The following WDR93 variants were observed in gnomAD, a reference collection of about 807,000 sequenced individuals.
WDR93 encodes the protein WD repeat domain 93.
Under a neutral mutation model 82.9 loss-of-function variants are expected in WDR93, and 73 were observed. That is an observed-to-expected ratio of 0.88 (90% CI 0.73 to 1.07). WDR93 has a LOEUF of 1.07. Ranked by LOEUF, WDR93 falls within the 50% of genes least tolerant of loss-of-function variation. WDR93 has a pLI of 0.00. For synonymous variants in WDR93, 283 were observed against 300.1 expected, an observed-to-expected ratio of 0.94 and a Z score of 0.59; for missense variants, 738 against 826.0, an observed-to-expected ratio of 0.89 and a Z score of 1.31.
chr15:89,706,286 T>A (rs1167573188), intron 4 of WDR93, among the ~76,000 whole-genome samples: 1 of 151,970 alleles, frequency 6.6e-6, no homozygotes, highest in Admixed American at 6.6e-5. Context: ...ATCAATGAAT[T>A]CCCGAAAGAG....
intron 12 of WDR93, among the ~76,000 whole-genome samples, chr15:89,732,442 C>A (rs1596116853): frequency 6.6e-6 from 1 of 152,172 alleles, no homozygotes; most frequent in Admixed American, 6.5e-5. Context: ...TCCCCACACA[C>A]TGCTAAGATA....
At chr15:89,697,389 G>C (rs948820748) in intron 1 of WDR93, among the ~76,000 whole-genome samples, 2 of 152,062 alleles carry the variant, frequency 1.3e-5, no homozygotes, top group Non-Finnish European at 2.9e-5. Flanking sequence ...GTGATCCATG[G>C]GTTATTAAGA....
At chr15:89,742,493 T>C (rs963734580) in intron 16 of WDR93, among the ~76,000 whole-genome samples, 4 of 152,148 alleles carry the variant, frequency 2.6e-5, no homozygotes, top group African/African-American at 9.7e-5. Flanking sequence ...CTGATTTTTC[T>C]GTAGTGAACA....
intron 4 of WDR93, among the ~76,000 whole-genome samples, chr15:89,711,039 A>G (rs142143517): frequency 2.0e-5 from 3 of 152,350 alleles, no homozygotes; most frequent in East Asian, 3.9e-4. Context: ...GAAGTTTGTA[A>G]TAAAGGAGTC....
intron 16 of WDR93, among the ~76,000 whole-genome samples, chr15:89,739,121 A>T (rs1021597865): frequency 3.3e-5 from 5 of 151,992 alleles, no homozygotes; most frequent in Non-Finnish European, 5.9e-5. Context: ...GCCTCAAAAA[A>T]AAAAAAAAAA....
intron 1 of WDR93, among the ~76,000 whole-genome samples, chr15:89,700,731 A>AT (rs1178584712): frequency 6.6e-6 from 1 of 151,140 alleles, no homozygotes; most frequent in Non-Finnish European, 1.5e-5. Flanking sequence ...TAATTTTTAA[A>AT]TTTTTTGTAT....
At chr15:89,741,178 T>C (rs979627553) in intron 16 of WDR93, among the ~76,000 whole-genome samples, 2 of 152,238 alleles carry the variant, frequency 1.3e-5, no homozygotes, top group African/African-American at 4.8e-5. Context: ...ATTCTTTATT[T>C]GCTATTACAC....
intron 1 of WDR93, among the ~76,000 whole-genome samples, chr15:89,694,369 G>C (rs1279210072): frequency 6.6e-6 from 1 of 151,340 alleles, no homozygotes; most frequent in East Asian, 1.9e-4. Context: ...CGAGTAGCTG[G>C]GACTACAGGT....
chr15:89,690,704 G>T, upstream of WDR93: 2 of 1,141,508 alleles, frequency 1.8e-6, no homozygotes, highest in Non-Finnish European at 2.6e-6. Flanking sequence ...CGGATCCCCA[G>T]GGAACGGTCA....
At chr15:89,732,250 G>A (rs1042272495) in intron 12 of WDR93, among the ~76,000 whole-genome samples, 8 of 152,250 alleles carry the variant, frequency 5.3e-5, no homozygotes, top group African/African-American at 1.7e-4. Flanking sequence ...CACCTTCACT[G>A]GGCAGCCCTC....
At chr15:89,722,738 G>A (rs1439760831) in intron 8 of WDR93, among the ~76,000 whole-genome samples, 2 of 152,150 alleles carry the variant, frequency 1.3e-5, no homozygotes. Flanking sequence ...GAGGAGCAGA[G>A]AGGCTAGCTA....
chr15:89,698,727 G>A (rs1456878373), intron 1 of WDR93, among the ~76,000 whole-genome samples: 1 of 151,674 alleles, frequency 6.6e-6, no homozygotes, highest in African/African-American at 2.4e-5. Flanking sequence ...CTTTACATAT[G>A]TTATTAATCC....
Position 89,722,148 on chromosome 15 carries a change from G to C in WDR93, c.880+9G>C, listed in dbSNP as rs1049427366. 7.7e-6 allele frequency: 12 copies of C among 1,563,742 alleles called. No homozygotes were observed. In the Admixed American group the frequency reaches 1.9e-4, roughly 24 times the overall value. ...ACCTAAGCCTGTTACAGGTAAGTGTGATTCAAATCTCTCTCCTTTTGCCAT... is the reference window on the plus strand; with the variant it reads ...ACCTAAGCCTGTTACAGGTAAGTGTCATTCAAATCTCTCTCCTTTTGCCAT... On this transcript the variant is annotated intron_variant, in intron 8 of 16. Coordinates refer to ENST00000268130, the MANE Select transcript of WDR93 (RefSeq NM_020212.2).
chr15:89,726,961 C>T, intron 8 of WDR93, among the ~76,000 whole-genome samples, 196 bp from the exon 9 acceptor site: 1 of 152,190 alleles, frequency 6.6e-6, no homozygotes, highest in East Asian at 1.9e-4. Flanking sequence ...AGCAGCTGCT[C>T]TCTGCCTGGG....
chr15:89,732,611 T>C (rs1343415657), intron 12 of WDR93, among the ~76,000 whole-genome samples: 1 of 132,192 alleles, frequency 7.6e-6, no homozygotes, highest in African/African-American at 3.5e-5. Context: ...TTCTTGTTGT[T>C]TGGCCACACA....
At chr15:89,704,690 ACTTGAGGCATCTAGGGATAT>A (rs1965648006) in intron 3 of WDR93, 1 of 152,156 alleles carries the variant, frequency 6.6e-6, no homozygotes, top group African/African-American at 2.4e-5. Context: ...ACATGTGCAG[ACTTGAGGCATCTAGGGATAT>A]CTCTGTGGGA....
At chr15:89,722,204 T>G in intron 8 of WDR93, 65 bp downstream of exon 8, 1 of 1,240,850 alleles carries the variant, frequency 8.1e-7, no homozygotes, top group Non-Finnish European at 1.1e-6. Context: ...CCTTTCCCCA[T>G]GTCTTATCTT....
In WDR93 at chr15:89,729,298, A is replaced by T. The variant is rs557912638; in HGVS notation, c.1123+205A>T. On this transcript the variant is annotated intron_variant, in intron 10 of 16. Coordinates refer to ENST00000268130, the MANE Select transcript of WDR93 (RefSeq NM_020212.2). Reference sequence around the variant, plus strand: ...AGGTTCTCTGATCACAAAGGCTGGCACTGCCTTCAGGGAGTGGTTGCCATA... The same window carrying T: ...AGGTTCTCTGATCACAAAGGCTGGCTCTGCCTTCAGGGAGTGGTTGCCATA... 5.3e-5 allele frequency among the ~76,000 whole-genome samples: 8 copies of T among 152,210 alleles called. No homozygotes were observed. In the South Asian group the frequency reaches 1.4e-3, roughly 28 times the overall value.
chr15:89,736,992 C>T lies in WDR93; in HGVS notation c.1609-581C>T, dbSNP rs146742034. Among the ~76,000 whole-genome samples, 1,348 of 152,210 alleles carry T rather than the reference C, an allele frequency of 8.9e-3. 14 individuals are homozygous for T. The highest frequency in any genetic ancestry group is 0.024 in the African/African-American group (1,017 of 41,538). On this transcript the variant is annotated intron_variant, in intron 14 of 16. Coordinates refer to ENST00000268130, the MANE Select transcript of WDR93 (RefSeq NM_020212.2). ...ATTTTTAGTAGAGACGAGGTTTCAC[C>T]GTGTTAGCCAGGATGGTCTCGATCT...
Sources: allele counts gnomAD v4.1 joint callset (sites outside exome capture counted in the v4.1 genomes callset), GRCh38; gene constraint gnomAD v4.1.1; transcripts MANE v1.5; gene names NCBI Gene and HGNC (gene_info 2026-07-23, HGNC 2026-07-21).